IKZF1: variants seen among roughly 807,000 people sequenced by gnomAD.
The protein encoded by IKZF1 is DNA-binding protein Ikaros.
Under a neutral mutation model 51.7 loss-of-function variants are expected in IKZF1, and 10 were observed. The observed-to-expected ratio is 0.19, with a 90% CI of 0.12 to 0.33. The LOEUF is 0.33. Ranked by LOEUF, IKZF1 falls within the 10% of genes least tolerant of loss-of-function variation. IKZF1 has a pLI of 1.00. For synonymous variants in IKZF1, 280 were observed against 282.3 expected, an observed-to-expected ratio of 0.99 and a Z score of 0.08; for missense variants, 484 against 707.5, an observed-to-expected ratio of 0.68 and a Z score of 3.58.
At chr7:50,317,384 A>T (rs990969081) in intron 1 of IKZF1, among the ~76,000 whole-genome samples, 21 of 152,216 alleles carry the variant, frequency 1.4e-4, no homozygotes, top group African/African-American at 4.6e-4. Context: ...ATTTGAGTCT[A>T]TCTTGCTTCT....
intron 3 of IKZF1, among the ~76,000 whole-genome samples, chr7:50,348,582 T>C (rs1208276031): frequency 6.6e-6 from 1 of 152,248 alleles, no homozygotes; most frequent in Non-Finnish European, 1.5e-5. Context: ...GCAGAGGCCC[T>C]GCCCACTTGA....
chr7:50,306,389 T>G (rs1788790922), intron 1 of IKZF1, among the ~76,000 whole-genome samples: 1 of 152,210 alleles, frequency 6.6e-6, no homozygotes, highest in Non-Finnish European at 1.5e-5. Flanking sequence ...CATGTTTTCT[T>G]CCCCTTTTGT....
chr7:50,327,491 A>G, intron 2 of IKZF1, 147 bp from the exon 3 acceptor site: 2 of 869,006 alleles, frequency 2.3e-6, no homozygotes, highest in South Asian at 4.6e-5. Context: ...TTTTATAAAA[A>G]GAAAAAGGTA....
chr7:50,314,300 C>T (rs1329626687), intron 1 of IKZF1, among the ~76,000 whole-genome samples: 3 of 152,048 alleles, frequency 2.0e-5, no homozygotes, highest in African/African-American at 7.2e-5. Context: ...TTAGTGGAGA[C>T]GGGGTTTCGC....
rs149346054 is a variant in IKZF1, at chr7:50,376,497, A to G, written c.161-36A>G. The G allele has an allele frequency of 7.8e-5, 124 of 1,594,828 alleles. No homozygotes were observed. The African/African-American group carries it at 1.2e-3, about 15-fold the overall frequency. On this transcript the variant is annotated intron_variant, in intron 3 of 7. Coordinates refer to ENST00000331340, the MANE Select transcript of IKZF1 (RefSeq NM_006060.6). This position sits in a 1 kb window ranked among gnomAD's most constrained non-coding sequence, Gnocchi z 4.5. The stretch of plus-strand genomic sequence containing the variant: ...TGTTTTGTTGAGTTTTTTTTTTGCA[A>G]TGACACTGAGTGGCCTCCTGTATTG...
chr7:50,327,523 AC>A, intron 2 of IKZF1, 114 bp from the exon 3 acceptor site: 3 of 1,267,078 alleles, frequency 2.4e-6, no homozygotes, highest in Non-Finnish European at 3.2e-6. Flanking sequence ...GCAGAGAAGC[AC>A]TGGCTCCACC....
chr7:50,396,852 CTGTACCTAGTTGGGGAATGCTTT>C (rs1816839269), intron 7 of IKZF1, among the ~76,000 whole-genome samples: 1 of 152,220 alleles, frequency 6.6e-6, no homozygotes, highest in Admixed American at 6.5e-5. Flanking sequence ...GCCATCAGCA[CTGTACCTAGTTGGGGAATGCTTT>C]CATCCCCACA....
chr7:50,370,667 A>G (rs1171562919), intron 3 of IKZF1, among the ~76,000 whole-genome samples: 1 of 152,226 alleles, frequency 6.6e-6, no homozygotes, highest in Non-Finnish European at 1.5e-5. Context: ...TGTCACATTT[A>G]TTGAGTAATA....
chr7:50,337,105 T>C (rs919738884), intron 3 of IKZF1, among the ~76,000 whole-genome samples: 2 of 151,838 alleles, frequency 1.3e-5, no homozygotes, highest in African/African-American at 2.4e-5. Context: ...AAACCAACCA[T>C]GTGAGAGGGA....
chr7:50,338,034 T>C (rs1283510971), intron 3 of IKZF1, among the ~76,000 whole-genome samples: 2 of 152,214 alleles, frequency 1.3e-5, no homozygotes, highest in Non-Finnish European at 2.9e-5. Flanking sequence ...GGCAGATTTG[T>C]TAAGGTTTTT....
At chr7:50,390,797 G>A (rs912743301) in intron 6 of IKZF1, among the ~76,000 whole-genome samples, 1 of 152,198 alleles carries the variant, frequency 6.6e-6, no homozygotes, top group Admixed American at 6.5e-5. Flanking sequence ...GAAATGGATG[G>A]AACTCTTTGA....
At chr7:50,340,426 C>T (rs1434163111) in intron 3 of IKZF1, among the ~76,000 whole-genome samples, 2 of 152,342 alleles carry the variant, frequency 1.3e-5, no homozygotes, top group South Asian at 2.1e-4. Context: ...TGTCACTCCT[C>T]ACCAGGCTGG....
intron 3 of IKZF1, among the ~76,000 whole-genome samples, chr7:50,370,157 T>C (rs1046733601): frequency 1.3e-5 from 2 of 152,232 alleles, no homozygotes; most frequent in African/African-American, 4.8e-5. Flanking sequence ...ATATTGAGCA[T>C]TTCAAGCTTA....
In IKZF1 at chr7:50,400,588, G is replaced by T. The variant is rs776825527; in HGVS notation, c.1521G>T (p.Ser507=). 2.9e-5 allele frequency: 46 copies of T among 1,612,624 alleles called. No homozygotes were observed. The highest frequency in any genetic ancestry group is 3.9e-5 in the Non-Finnish European group (46 of 1,179,902). The change falls in exon 8 of 8, where the codon TCG becomes TCT. Residue 507 remains serine, a synonymous_variant. Transcript: ENST00000331340. This position sits in a 1 kb window ranked among gnomAD's most constrained non-coding sequence, Gnocchi z 5.4. ...GCCAGGACCGGTACGAGTTCTCGTC[G>T]CACATAACGCGAGGGGAGCACCGCT... ...YHSQDRYEFS[S]HITRGEHRFH...
rs561228472 is a variant in IKZF1, at chr7:50,325,274, C to T, written c.41-2364C>T. On this transcript the variant is annotated intron_variant, in intron 2 of 7. Transcript: ENST00000331340. ...ACACCCACCCCCCAACCCCCCGCTG[C>T]CACCAAAAAAAAAAAAAAAAAATTC... 8.8e-4 allele frequency among the ~76,000 whole-genome samples: 94 copies of T among 107,100 alleles called. 2 individuals are homozygous for T. The highest frequency in any genetic ancestry group is 2.4e-3 in the Admixed American group (21 of 8,874). 70.3% of individuals were successfully genotyped at this position (107,100 alleles called of 152,430 possible).
At chr7:50,327,861 C>T (rs1795471230) in intron 3 of IKZF1, 104 bp downstream of exon 3, 2 of 1,265,478 alleles carry the variant, frequency 1.6e-6, no homozygotes, top group South Asian at 3.2e-5. Context: ...CATTGTGTTC[C>T]CTCAACTGGC....
rs1818594416 is a variant in IKZF1 at position 50,404,117 on chromosome 7, G to GGT, written c.*3490_*3491insGT. 1 of 215,062 alleles carries GGT rather than the reference G, an allele frequency of 4.6e-6. No individual in the cohort carries two copies. Among genetic ancestry groups the GGT allele is most frequent in the Non-Finnish European group, 9.4e-6 (1 of 106,264 alleles). The allele number at this position is 215,062 out of a possible 1,614,324, so 13.3% of individuals were successfully genotyped here. A position where few individuals can be genotyped will look rare whatever the true frequency, so the allele number is the denominator to read the frequency against. On this transcript the variant is annotated 3_prime_UTR_variant, in exon 8 of 8. Coordinates refer to ENST00000331340, the MANE Select transcript of IKZF1 (RefSeq NM_006060.6). The stretch of plus-strand genomic sequence containing the variant: ...GCGATGGCACTCACTGTGAACATGT[G>GGT]TAACCACATATTAATATGCAATATT...
intron 3 of IKZF1, among the ~76,000 whole-genome samples, chr7:50,338,987 C>T (rs1798423136): frequency 6.6e-6 from 1 of 152,362 alleles, no homozygotes; most frequent in East Asian, 1.9e-4. Flanking sequence ...AATCAGCCAA[C>T]TGGTAATATG....
rs1290155723 is a variant in IKZF1, at chr7:50,376,146, G to A, written c.161-387G>A. ...TGTGTGACCCAGAACCCACCCTCTA[G>A]GGCAAGGTGCCCATCTGATGGGTAG... On this transcript the variant is annotated intron_variant, in intron 3 of 7. Coordinates refer to ENST00000331340, the MANE Select transcript of IKZF1 (RefSeq NM_006060.6). The surrounding 1 kb of genome is among the most constrained non-coding windows in gnomAD (Gnocchi z 4.5). Among the ~76,000 whole-genome samples, 1 of 152,186 alleles carries A rather than the reference G, an allele frequency of 6.6e-6. No homozygotes were observed. The highest frequency in any genetic ancestry group is 1.5e-5 in the Non-Finnish European group (1 of 68,028).
Sources: allele counts gnomAD v4.1 joint callset (sites outside exome capture counted in the v4.1 genomes callset), GRCh38; gene constraint gnomAD v4.1.1; non-coding constraint Gnocchi (gnomAD v3.1); transcripts MANE v1.5; gene names NCBI Gene and HGNC (gene_info 2026-07-23, HGNC 2026-07-21).